SCN1B: variants seen among roughly 807,000 people sequenced by gnomAD.
SCN1B encodes sodium voltage-gated channel beta subunit 1, also known as sodium channel regulatory subunit beta-1.
In SCN1B, 11 loss-of-function variants were observed where a neutral mutation model predicts 25.7. That is an observed-to-expected ratio of 0.43 (90% CI 0.27 to 0.71). The LOEUF is 0.71. SCN1B is among the 30% of genes least tolerant of loss of function. SCN1B has a pLI of 0.21. For synonymous variants in SCN1B, 119 were observed against 117.5 expected, an observed-to-expected ratio of 1.01 and a Z score of -0.08; for missense variants, 224 against 291.5, an observed-to-expected ratio of 0.77 and a Z score of 1.69.
rs980237215 is a variant in SCN1B, at chr19:35,032,788, T to C, written c.207+94T>C. ...TCAGGGAGGGGGCTTATTTGTTTAA[T>C]AATATGCTGTGATTGCTGACCTGGA... On this transcript the variant is annotated intron_variant, in intron 2 of 5. Transcript: ENST00000262631. This position sits in a 1 kb window ranked among gnomAD's most constrained non-coding sequence, Gnocchi z 4.3. 4.3e-6 allele frequency: 6 copies of C among 1,409,646 alleles called. No individual in the cohort carries two copies. The highest frequency in any genetic ancestry group is 1.2e-5 in the South Asian group (1 of 85,760). The allele number at this position is 1,409,646 out of a possible 1,614,324, so 87.3% of individuals were successfully genotyped here. A position where few individuals can be genotyped will look rare whatever the true frequency, so the allele number is the denominator to read the frequency against.
rs72550266 is a variant in SCN1B at position 35,040,325 on chromosome 19, C to T, written c.*534C>T. 355 of 163,284 alleles carry T rather than the reference C, an allele frequency of 2.2e-3. 2 individuals carry two copies. Among genetic ancestry groups the T allele is most frequent in the South Asian group, 7.2e-3 (44 of 6,138 alleles). 10.1% of individuals were successfully genotyped at this position (163,284 alleles called of 1,614,324 possible). On this transcript the variant is annotated 3_prime_UTR_variant, in exon 6 of 6. Coordinates refer to ENST00000262631, the MANE Select transcript of SCN1B (RefSeq NM_001037.5). ...GGTCCCCCCTCCCTGTAATGCACTCCTGCCCCGGCCCAACCTCGCCCTCTC... is the reference window on the plus strand; with the variant it reads ...GGTCCCCCCTCCCTGTAATGCACTCTTGCCCCGGCCCAACCTCGCCCTCTC...
At chr19:35,038,780 G>A (rs1476658557) in intron 3 of SCN1B, 2 of 391,450 alleles carry the variant, frequency 5.1e-6, no homozygotes, top group Non-Finnish European at 9.7e-6. Context: ...TGAAGAAACA[G>A]AGGCCTAGAG....
At position 35,039,951 on chromosome 19, in the gene SCN1B, C is replaced by T. The variant is rs994896958; in HGVS notation, c.*160C>T. 3.5e-5 allele frequency: 20 copies of T among 575,532 alleles called. 1 individual carries two copies. Among genetic ancestry groups the T allele is most frequent in the Middle Eastern group, 4.7e-4 (1 of 2,132 alleles). 35.7% of individuals were successfully genotyped at this position (575,532 alleles called of 1,614,324 possible). A position where few individuals can be genotyped will look rare whatever the true frequency, so the allele number is the denominator to read the frequency against. On this transcript the variant is annotated 3_prime_UTR_variant, in exon 6 of 6. Coordinates refer to ENST00000262631, the MANE Select transcript of SCN1B (RefSeq NM_001037.5). Reference sequence around the variant, plus strand: ...GTGGGAGGGGGCAGGGGGCTTGGCTCGCACCCCCACTTTCGCCTCCTCCAG... The same window carrying T: ...GTGGGAGGGGGCAGGGGGCTTGGCTTGCACCCCCACTTTCGCCTCCTCCAG...
chr19:35,039,583 G>C, intron 4 of SCN1B, 52 bp from the exon 5 acceptor site: 2 of 1,586,468 alleles, frequency 1.3e-6, no homozygotes, highest in Non-Finnish European at 1.7e-6. Context: ...TCCCCCGGGG[G>C]TTGGGTCGGT....
In SCN1B at chr19:35,032,833, A is replaced by G; in HGVS notation, c.207+139A>G. ...CCTGGATTCAGATTCTGGCTCCACC[A>G]GTGGCCAGCTGGTGACCTTGGCCAA... On this transcript the variant is annotated intron_variant, in intron 2 of 5. Transcript: ENST00000262631. This position sits in a 1 kb window ranked among gnomAD's most constrained non-coding sequence, Gnocchi z 4.3. 9.4e-7 allele frequency: 1 copy of G among 1,069,060 alleles called. No individual in the cohort carries two copies. Among genetic ancestry groups the G allele is most frequent in the Non-Finnish European group, 1.4e-6 (1 of 730,064 alleles). The allele number at this position is 1,069,060 out of a possible 1,614,324, so 66.2% of individuals were successfully genotyped here.
chr19:35,030,761 T>A lies in SCN1B; in HGVS notation c.-60T>A. ...CTAACCGCCGCCAGGTCCCGCCGCC[T>A]CTCGCCCCGCTATTAATACCGGCGG... On this transcript the variant is annotated 5_prime_UTR_variant, in exon 1 of 6. Coordinates refer to ENST00000262631, the MANE Select transcript of SCN1B (RefSeq NM_001037.5). 1.7e-6 allele frequency: 1 copy of A among 584,692 alleles called. No individual in the cohort carries two copies. Among genetic ancestry groups the A allele is most frequent in the Non-Finnish European group, 2.6e-6 (1 of 382,360 alleles). The allele number at this position is 584,692 out of a possible 1,614,324, so 36.2% of individuals were successfully genotyped here. A position where few individuals can be genotyped will look rare whatever the true frequency, so the allele number is the denominator to read the frequency against.
chr19:35,033,358 C>T, intron 2 of SCN1B, 141 bp from the exon 3 acceptor site: 2 of 1,526,832 alleles, frequency 1.3e-6, no homozygotes, highest in Admixed American at 3.9e-5. Context: ...CCCCTGTGCC[C>T]TCCCTGCCTG....
rs201872896 is a variant in SCN1B at position 35,032,713 on chromosome 19, C to A, written c.207+19C>A. The A allele has an allele frequency of 1.1e-5, 18 of 1,612,636 alleles. No homozygotes were observed. The highest frequency in any genetic ancestry group is 1.6e-4 in the Middle Eastern group (1 of 6,084). ...TGTCAAGGTGTGCGGGTGCCGGGAA[C>A]GGGCATGGGAGGGCAGGGGTCCACG... On this transcript the variant is annotated intron_variant, in intron 2 of 5. Coordinates refer to ENST00000262631, the MANE Select transcript of SCN1B (RefSeq NM_001037.5). This position sits in a 1 kb window ranked among gnomAD's most constrained non-coding sequence, Gnocchi z 4.3.
Position 35,030,793 on chromosome 19 carries a change from AGG to A in SCN1B, c.-23_-22del. 1.0e-6 allele frequency: 1 copy of A among 987,980 alleles called. No homozygotes were observed. The highest frequency in any genetic ancestry group is 1.3e-6 in the Non-Finnish European group (1 of 763,196). The allele number at this position is 987,980 out of a possible 1,614,324, so 61.2% of individuals were successfully genotyped here. On this transcript the variant is annotated 5_prime_UTR_variant, in exon 1 of 6. Transcript: ENST00000262631. ...CCGCTATTAATACCGGCGGCCCGGG[AGG>A]GGGGCGCAGCACGCGCCGCGCAGCC... is the stretch of plus-strand genomic sequence containing the variant.
At position 35,039,867 on chromosome 19, in the gene SCN1B, G is replaced by T. The variant is rs367768639; in HGVS notation, c.*76G>T. ...TCCAGGCACCGCCTGCCCCCAGCGTGGGGGTGGCCACTCCTGGGCCCCAGA... is the reference window on the plus strand; with the variant it reads ...TCCAGGCACCGCCTGCCCCCAGCGTTGGGGTGGCCACTCCTGGGCCCCAGA... On this transcript the variant is annotated 3_prime_UTR_variant, in exon 6 of 6. Coordinates refer to ENST00000262631, the MANE Select transcript of SCN1B (RefSeq NM_001037.5). 1,309 of 729,290 alleles carry T rather than the reference G, an allele frequency of 1.8e-3. 17 individuals carry two copies. In the African/African-American group the frequency reaches 0.02, roughly 11 times the overall value. 45.2% of individuals were successfully genotyped at this position (729,290 alleles called of 1,614,324 possible).
At position 35,039,230 on chromosome 19, in the gene SCN1B, G is replaced by A. The variant is rs1296196266; in HGVS notation, c.562G>A (p.Ala188Thr). ...MIYCYKKIAA[A>T]TETAAQENAS... The stretch of plus-strand genomic sequence containing the variant: ...TTACTGCTACAAGAAGATCGCTGCC[G>A]CCACGGAGACTGCTGCACAGGAGAA... Residue 188 changes from alanine (A) to threonine (T), a missense_variant, in exon 4 of 6, where the codon GCC becomes ACC. Ala to Thr is a moderately conservative substitution (Grantham distance 58). This residue lies in a region of SCN1B where 52 missense variants were observed against 50.8 expected (regional missense o/e 1.02). Transcript: ENST00000262631. 6.2e-6 allele frequency: 10 copies of A among 1,613,912 alleles called. No individual in the cohort carries two copies. Among genetic ancestry groups the A allele is most frequent in the Middle Eastern group, 3.3e-4 (2 of 6,062 alleles).
At position 35,030,575 on chromosome 19, in the gene SCN1B, C is replaced by T. The variant is rs1200744863; in HGVS notation, c.-246C>T. Reference sequence around the variant, plus strand: ...CCGGCTGCGCGCGCCAGCGCAGCAGCCCGAGCAGCGGCCGCCGCCCGCGCG... The same window carrying T: ...CCGGCTGCGCGCGCCAGCGCAGCAGTCCGAGCAGCGGCCGCCGCCCGCGCG... On this transcript the variant is annotated 5_prime_UTR_variant, in exon 1 of 6. Transcript: ENST00000262631. 1 of 150,160 alleles carries T rather than the reference C, an allele frequency of 6.7e-6. No homozygotes were observed. Among genetic ancestry groups the T allele is most frequent in the Non-Finnish European group, 1.5e-5 (1 of 67,614 alleles). 9.3% of individuals were successfully genotyped at this position (150,160 alleles called of 1,614,324 possible).
intron 3 of SCN1B, chr19:35,034,588 T>C: frequency 5.8e-6 from 1 of 173,184 alleles, no homozygotes; most frequent in Non-Finnish European, 1.3e-5. Context: ...AGCCCAGGCC[T>C]TGAAGCAGCT....
rs1416930749 is a variant in SCN1B at position 35,034,273 on chromosome 19, C to T, written c.448+534C>T. The T allele has an allele frequency of 2.3e-5, 27 of 1,154,144 alleles. No homozygotes were observed. In the South Asian group the frequency reaches 2.9e-4, roughly 12 times the overall value. 71.5% of individuals were successfully genotyped at this position (1,154,144 alleles called of 1,614,324 possible). ...GAGCGTGCCACCTAGAGCAGAGTTC[C>T]GCACACCCCTCTGCACTCCTGCCCC... On this transcript the variant is annotated intron_variant, in intron 3 of 5. Transcript: ENST00000262631.
At chr19:35,039,487 G>C (rs2064271098) in intron 4 of SCN1B, 148 bp from the exon 5 acceptor site, 2 of 997,712 alleles carry the variant, frequency 2.0e-6, no homozygotes, top group African/African-American at 3.2e-5. Flanking sequence ...ATTCCTCAAA[G>C]ACCCTGAGGA....
At chr19:35,033,422 G>A in intron 2 of SCN1B, 77 bp from the exon 3 acceptor site, 1 of 1,604,572 alleles carries the variant, frequency 6.2e-7, no homozygotes, top group Non-Finnish European at 8.5e-7. Context: ...GGGTGTCAGG[G>A]CAGGGGACAG....
chr19:35,039,093 C>T, intron 3 of SCN1B, 24 bp from the exon 4 acceptor site: 1 of 1,614,012 alleles, frequency 6.2e-7, no homozygotes, highest in Non-Finnish European at 8.5e-7. Flanking sequence ...GGGCTACCCC[C>T]TTAACCCTGC....
chr19:35,037,776 T>C (rs370063981), intron 3 of SCN1B: 6 of 133,206 alleles, frequency 4.5e-5, no homozygotes, highest in African/African-American at 1.5e-4. Flanking sequence ...CGAGACCTCA[T>C]CTCTACCAAA....
At chr19:35,038,153 C>T (rs2064259848) in intron 3 of SCN1B, 1 of 152,102 alleles carries the variant, frequency 6.6e-6, no homozygotes, top group South Asian at 2.1e-4. Flanking sequence ...AAGTGCCCCA[C>T]TCACAGCAGA....
Sources: gnomAD v4.1 joint callset for allele counts on GRCh38, gnomAD v4.1.1 for gene constraint, gnomAD v4.1.1 regional missense constraint, Gnocchi (gnomAD v3.1) non-coding constraint, MANE v1.5 for transcripts, NCBI Gene and HGNC (gene_info 2026-07-23, HGNC 2026-07-21) for gene names.